The following ACAT1 variants were observed in gnomAD, a reference collection of about 807,000 sequenced individuals.
ACAT1 encodes acetyl-CoA acetyltransferase, mitochondrial.
A neutral mutation model predicts 47.3 loss-of-function variants in ACAT1; 28 were observed. The observed-to-expected ratio is 0.59, with a 90% confidence interval of 0.44 to 0.81. The LOEUF (loss-of-function observed/expected upper bound fraction) is 0.81, where lower values mean the gene tolerates loss of function less well. Among genes scored for constraint, ACAT1 ranks in the 30% least tolerant of loss-of-function variants. The pLI, the probability that ACAT1 is intolerant of heterozygous loss-of-function variation, is 0.00. For synonymous variants in ACAT1, 181 were observed against 173.6 expected, an observed-to-expected ratio of 1.04 and a Z score of -0.34; for missense variants, 469 against 524.3, an observed-to-expected ratio of 0.89 and a Z score of 1.03.
At chr11:108,132,017 ATATACT>A in intron 2 of ACAT1, 63 bp downstream of exon 2, 1 of 1,032,662 alleles carries the variant, frequency 9.7e-7, no homozygotes, top group Admixed American at 1.8e-5. Context: ...ATAAAAATGC[ATATACT>A]TATGATTTGG....
At chr11:108,132,031 T>C (rs769298867) in intron 2 of ACAT1, 77 bp downstream of exon 2, 5 of 894,946 alleles carry the variant, frequency 5.6e-6, no homozygotes, top group Non-Finnish European at 9.1e-6. Context: ...ACTTATGATT[T>C]GGATACATGT....
Position 108,146,241 on chromosome 11 carries a change from A to G in ACAT1, c.1045A>G (p.Met349Val). The stretch of plus-strand genomic sequence containing the variant: ...GGGATTGAAAAAAGAAGATATTGCA[A>G]TGTGGGAAGTAAATGAAGCCTTTAG... ...DVGLKKEDIA[M>V]WEVNEAFSLV... Residue 349 changes from methionine to valine, a missense_variant, in exon 11 of 12, where the codon ATG becomes GTG. Transcript: ENST00000265838. The G allele has an allele frequency of 6.2e-7, 1 of 1,613,550 alleles. No homozygotes were observed.
chr11:108,122,013 C>G, intron 1 of ACAT1: 2 of 458,436 alleles, frequency 4.4e-6, no homozygotes, highest in South Asian at 4.5e-5. Context: ...CGGGGAGAGT[C>G]TCTTTGCAGG....
chr11:108,133,859 T>A lies in ACAT1; in HGVS notation c.160T>A (p.Ser54Thr). The change falls in exon 3 of 12, where the codon TCT (serine) becomes ACT (threonine). Residue 54 changes from serine (S) to threonine (T), a missense_variant. Transcript: ENST00000265838. ...AAGTGCTACAAGAACACCCATTGGA[T>A]CTTTTTTAGGCAGCCTTTCCTTGCT... The part of the protein sequence containing the change: ...IVSATRTPIG[S>T]FLGSLSLLPA... The A allele has an allele frequency of 6.2e-7, 1 of 1,614,140 alleles. No individual in the cohort carries two copies. Among genetic ancestry groups the A allele is most frequent in the Non-Finnish European group, 8.5e-7 (1 of 1,180,016 alleles).
At chr11:108,144,792 TAGC>T (rs2077670783) in intron 10 of ACAT1, among the ~76,000 whole-genome samples, 1 of 152,072 alleles carries the variant, frequency 6.6e-6, no homozygotes, top group African/African-American at 2.4e-5. Context: ...TGCTCAGAGC[TAGC>T]AGATCTCAGA....
At chr11:108,124,547 T>G (rs1348929255) in intron 1 of ACAT1, among the ~76,000 whole-genome samples, 1 of 152,106 alleles carries the variant, frequency 6.6e-6, no homozygotes, top group Non-Finnish European at 1.5e-5. Context: ...CCTCCTAAAG[T>G]GATTACAGGT....
upstream of ACAT1, among the ~76,000 whole-genome samples, chr11:108,118,409 C>G (rs1243668323): frequency 6.6e-6 from 1 of 151,464 alleles, no homozygotes; most frequent in African/African-American, 2.4e-5. Flanking sequence ...GAGTCTCGCT[C>G]TGTCACCCAG....
chr11:108,135,270 T>A, intron 5 of ACAT1, 28 bp downstream of exon 5: 1 of 1,494,782 alleles, frequency 6.7e-7, no homozygotes, highest in Non-Finnish European at 9.3e-7. Flanking sequence ...TCCCATTTAT[T>A]AATCAGAGTA....
At chr11:108,120,939 G>C (rs765373080), upstream of ACAT1, among the ~76,000 whole-genome samples, 9 of 151,994 alleles carry the variant, frequency 5.9e-5, no homozygotes, top group Non-Finnish European at 8.8e-5. Flanking sequence ...GGTCGCCTGC[G>C]CCTGTAATCC....
At chr11:108,121,054 A>T (rs2135281488), upstream of ACAT1, among the ~76,000 whole-genome samples, 1 of 152,220 alleles carries the variant, frequency 6.6e-6, no homozygotes, top group Non-Finnish European at 1.5e-5. Context: ...TACAAAAATT[A>T]TCTGGTTGTG....
chr11:108,137,530 A>G (rs1432800549), intron 5 of ACAT1, among the ~76,000 whole-genome samples: 1 of 152,218 alleles, frequency 6.6e-6, no homozygotes, highest in Non-Finnish European at 1.5e-5. Flanking sequence ...GCTGTCCAGG[A>G]AGAGATGATG....
rs372348173 is a variant in ACAT1, at chr11:108,132,811, G to A, written c.120+857G>A. On this transcript the variant is annotated intron_variant, in intron 2 of 11. Coordinates refer to ENST00000265838, the MANE Select transcript of ACAT1 (RefSeq NM_000019.4). ...GGAGCTTGCAGTGAGTTGAGATCAC[G>A]TGCCTGCACTCTAGCCTGGGCAACA... Among the ~76,000 whole-genome samples the A allele has an allele frequency of 8.8e-5, 11 of 124,734 alleles. No individual in the cohort carries two copies. In the East Asian group the frequency reaches 1.7e-3, roughly 19 times the overall value. The allele number at this position is 124,734 out of a possible 152,430, so 81.8% of individuals were successfully genotyped here.
intron 5 of ACAT1, chr11:108,136,260 T>TA (rs2077466876): frequency 2.4e-6 from 1 of 421,926 alleles, no homozygotes; most frequent in South Asian, 7.7e-5. Flanking sequence ...TCATTGGAAA[T>TA]AGAGTGGTGA....
chr11:108,139,071 A>G (rs766406692), intron 6 of ACAT1, 30 bp downstream of exon 6: 4 of 1,612,812 alleles, frequency 2.5e-6, no homozygotes, highest in South Asian at 2.2e-5. Context: ...GATAAATGCT[A>G]TCTAATGTCC....
chr11:108,120,420 T>G (rs1425693418), upstream of ACAT1, among the ~76,000 whole-genome samples: 1 of 151,546 alleles, frequency 6.6e-6, no homozygotes, highest in Non-Finnish European at 1.5e-5. Flanking sequence ...GACAGGAGGA[T>G]CCCCTAGCTA....
At chr11:108,117,720 C>G (rs904754887), upstream of ACAT1, among the ~76,000 whole-genome samples, 1 of 152,160 alleles carries the variant, frequency 6.6e-6, no homozygotes, top group Non-Finnish European at 1.5e-5. Flanking sequence ...TGTAGAAGAA[C>G]TTACTTGGAA....
chr11:108,129,936 A>G (rs1021298291), intron 1 of ACAT1, among the ~76,000 whole-genome samples: 5 of 152,106 alleles, frequency 3.3e-5, no homozygotes, highest in African/African-American at 1.2e-4. Flanking sequence ...TTATTTTTAT[A>G]TATGAAAATT....
Position 108,133,923 on chromosome 11 carries a change from C to T in ACAT1, c.224C>T (p.Ala75Val). Residue 75 changes from alanine (A) to valine (V), a missense_variant, in exon 3 of 12, where the codon GCC becomes GTC. Transcript: ENST00000265838. ...TKLGSIAIQGAIEKAGIPKEE... is the reference protein window; with the variant it reads ...TKLGSIAIQGVIEKAGIPKEE... ...CTTGGTTCCATTGCAATTCAGGGAG[C>T]CATTGAAAAGGCAGGTCAGTAGTTA... 6.2e-7 allele frequency: 1 copy of T among 1,613,838 alleles called. No homozygotes were observed. The highest frequency in any genetic ancestry group is 8.5e-7 in the Non-Finnish European group (1 of 1,179,886).
intron 9 of ACAT1, 44 bp downstream of exon 9, chr11:108,142,594 T>A: frequency 6.6e-7 from 1 of 1,506,014 alleles, no homozygotes; most frequent in East Asian, 2.3e-5. Flanking sequence ...CCCAGCACTT[T>A]CGGAGGTTGA....
Sources: gnomAD v4.1 joint callset for allele counts (sites outside exome capture counted in the v4.1 genomes callset) on GRCh38, gnomAD v4.1.1 for gene constraint, MANE v1.5 for transcripts, NCBI Gene and HGNC (gene_info 2026-07-23, HGNC 2026-07-21) for gene names.